DNMT3A: variants seen among roughly 807,000 people sequenced by gnomAD.
DNMT3A encodes DNA (cytosine-5)-methyltransferase 3A.
A neutral mutation model predicts 117.6 loss-of-function variants in DNMT3A; 267 were observed. That is an observed-to-expected ratio of 2.27 (90% CI 2.05 to 2.51). The LOEUF is 2.51. Ranked by LOEUF, DNMT3A falls within the 30% of genes most tolerant of loss-of-function variation. The pLI is 0.00. For missense variants in DNMT3A, 1,029 were observed against 1,260.2 expected, an observed-to-expected ratio of 0.82 and a Z score of 2.78; for synonymous variants, 432 against 474.8, an observed-to-expected ratio of 0.91 and a Z score of 1.17.
Position 25,313,993 on chromosome 2 carries a change from CG to C in DNMT3A, c.-10del. 1 of 1,540,154 alleles carries C rather than the reference CG, an allele frequency of 6.5e-7. No individual in the cohort carries two copies. The highest frequency in any genetic ancestry group is 1.4e-5 in the African/African-American group (1 of 73,150). On this transcript the variant is annotated 5_prime_UTR_variant, in exon 2 of 23. Transcript: ENST00000321117. ...GAGGGCATGGCGGGCATCTGGGCGC[CG>C]GGAGGCAGGCTGGGGCTGCGCGGGG...
intron 6 of DNMT3A, among the ~76,000 whole-genome samples, chr2:25,268,431 C>T (rs981356447): frequency 1.3e-5 from 2 of 152,172 alleles, no homozygotes; most frequent in Non-Finnish European, 2.9e-5. Context: ...AGATGACCGC[C>T]CAGCTACTGA....
At position 25,240,620 on chromosome 2, in the gene DNMT3A, G is replaced by A. The variant is rs2149273414; in HGVS notation, c.2173+20C>T. Reference sequence around the variant, plus strand: ...CGGAAGCACCAGCTGAGAAGGTGGAGGGGACAGGATGGTACCTACCGTAGA... The same window carrying A: ...CGGAAGCACCAGCTGAGAAGGTGGAAGGGACAGGATGGTACCTACCGTAGA... On this transcript the variant is annotated intron_variant, in intron 18 of 22. Coordinates refer to ENST00000321117, the MANE Select transcript of DNMT3A (RefSeq NM_022552.5). 3 of 1,613,002 alleles carry A rather than the reference G, an allele frequency of 1.9e-6. No homozygotes were observed. Among genetic ancestry groups the A allele is most frequent in the South Asian group, 2.2e-5 (2 of 90,960 alleles).
At chr2:25,239,567 A>G in intron 19 of DNMT3A, 1 of 539,972 alleles carries the variant, frequency 1.9e-6, no homozygotes, top group Middle Eastern at 2.9e-4. Flanking sequence ...TAATGTAAAC[A>G]GCCGCATGTG....
At chr2:25,314,304 A>C in intron 1 of DNMT3A, 143 bp from the exon 2 acceptor site, 2 of 1,184,648 alleles carry the variant, frequency 1.7e-6, no homozygotes, top group Non-Finnish European at 2.1e-6. Context: ...AGAGCAGAGA[A>C]ACCGAGGCAG....
At chr2:25,253,374 CTA>C (rs1423348463) in intron 6 of DNMT3A, among the ~76,000 whole-genome samples, 1 of 152,190 alleles carries the variant, frequency 6.6e-6, no homozygotes, top group Admixed American at 6.5e-5. Flanking sequence ...GTAAAGGTAA[CTA>C]TGCCACAAAT....
intron 1 of DNMT3A, among the ~76,000 whole-genome samples, chr2:25,315,263 T>C (rs944384850): frequency 3.3e-5 from 5 of 152,330 alleles, no homozygotes; most frequent in African/African-American, 1.2e-4. Flanking sequence ...TTGGCTCTCC[T>C]ACAGGCCTAG....
intron 1 of DNMT3A, among the ~76,000 whole-genome samples, chr2:25,341,275 C>T (rs1320716027): frequency 3.2e-4 from 47 of 144,970 alleles, no homozygotes; most frequent in Admixed American, 3.1e-3. Flanking sequence ...GCCGCGGAGC[C>T]TGCGCGGGGC....
chr2:25,275,445 C>A (rs192979065), intron 5 of DNMT3A, 55 bp downstream of exon 5: 188 of 1,575,326 alleles, frequency 1.2e-4, no homozygotes, highest in Non-Finnish European at 1.4e-4. Context: ...ACTCGCCACC[C>A]GTGTCCTTCT....
At chr2:25,251,552 T>G (rs1381127690) in intron 6 of DNMT3A, among the ~76,000 whole-genome samples, 1 of 152,130 alleles carries the variant, frequency 6.6e-6, no homozygotes, top group Non-Finnish European at 1.5e-5. Flanking sequence ...CACCTCCCCC[T>G]GCGACTGCAG....
intron 1 of DNMT3A, among the ~76,000 whole-genome samples, chr2:25,322,604 A>T (rs2034638489): frequency 6.7e-6 from 1 of 149,588 alleles, no homozygotes; most frequent in Non-Finnish European, 1.5e-5. Flanking sequence ...CATCTCCACC[A>T]TCTCCTGAAG....
rs955527850 is a variant in DNMT3A, at chr2:25,252,889, ATTGT to A, written c.640-4641_640-4638del. ...GCATTGGGAGCGCTCCAGATCGGGG[ATTGT>A]TTGGGGGGTCTCCCGCCTCCACACT... is the stretch of plus-strand genomic sequence containing the variant. On this transcript the variant is annotated intron_variant, in intron 6 of 22. Transcript: ENST00000321117. The surrounding 1 kb of genome is among the most constrained non-coding windows in gnomAD (Gnocchi z 5.5). Among the ~76,000 whole-genome samples the A allele has an allele frequency of 6.6e-6, 1 of 151,806 alleles. No individual in the cohort carries two copies. Among genetic ancestry groups the A allele is most frequent in the African/African-American group, 2.4e-5 (1 of 41,284 alleles).
At chr2:25,276,752 T>A (rs539257039) in intron 4 of DNMT3A, among the ~76,000 whole-genome samples, 1 of 152,362 alleles carries the variant, frequency 6.6e-6, no homozygotes, top group East Asian at 1.9e-4. Flanking sequence ...ACCGACAGCG[T>A]ATCGGGCCTG....
chr2:25,323,301 G>A (rs1368720126), intron 1 of DNMT3A, among the ~76,000 whole-genome samples: 1 of 152,134 alleles, frequency 6.6e-6, no homozygotes, highest in African/African-American at 2.4e-5. Flanking sequence ...TCACTGTCTG[G>A]GCCCCTGGTC....
In DNMT3A at chr2:25,293,410, A is replaced by G. The variant is rs2032905221; in HGVS notation, c.177+6729T>C. ...TATCCGCCTCCTCACAACCTTCCAG[A>G]TAACACATTTTTCAGAGAGGATAAA... On this transcript the variant is annotated intron_variant, in intron 3 of 22. Coordinates refer to ENST00000321117, the MANE Select transcript of DNMT3A (RefSeq NM_022552.5). The surrounding 1 kb of genome is among the most constrained non-coding windows in gnomAD (Gnocchi z 4.7). 6.6e-6 allele frequency among the ~76,000 whole-genome samples: 1 copy of G among 152,202 alleles called. No individual in the cohort carries two copies. The highest frequency in any genetic ancestry group is 6.5e-5 in the Admixed American group (1 of 15,280).
chr2:25,341,379 C>A (rs1293388234), intron 1 of DNMT3A, among the ~76,000 whole-genome samples: 2 of 145,416 alleles, frequency 1.4e-5, no homozygotes, highest in Non-Finnish European at 3.1e-5. Context: ...TGGCCGCGGG[C>A]TCCAGGCGGG....
At chr2:25,330,960 A>C (rs2034995319) in intron 1 of DNMT3A, among the ~76,000 whole-genome samples, 1 of 152,210 alleles carries the variant, frequency 6.6e-6, no homozygotes, top group African/African-American at 2.4e-5. Context: ...GGAACTCAAA[A>C]CTTGGAGTTT....
chr2:25,264,201 G>A (rs1441651813), intron 6 of DNMT3A, among the ~76,000 whole-genome samples: 18 of 140,954 alleles, frequency 1.3e-4, no homozygotes, highest in African/African-American at 2.4e-4. Flanking sequence ...GTGCAGTGGC[G>A]CAATCTTGAC....
At chr2:25,335,744 G>C (rs912625682) in intron 1 of DNMT3A, among the ~76,000 whole-genome samples, 4 of 152,116 alleles carry the variant, frequency 2.6e-5, no homozygotes, top group East Asian at 1.9e-4. Context: ...CACTCAGACG[G>C]GGCAGCTAAT....
chr2:25,245,179 G>A, intron 13 of DNMT3A, 74 bp downstream of exon 13: 1 of 1,418,066 alleles, frequency 7.1e-7, no homozygotes, highest in Non-Finnish European at 9.9e-7. Flanking sequence ...ATGCCCAGAA[G>A]CGGTGGACAC....
Sources: allele counts gnomAD v4.1 joint callset (sites outside exome capture counted in the v4.1 genomes callset), GRCh38; gene constraint gnomAD v4.1.1; non-coding constraint Gnocchi (gnomAD v3.1); transcripts MANE v1.5; gene names NCBI Gene and HGNC (gene_info 2026-07-23, HGNC 2026-07-21).